The following PLOD1 variants were observed in gnomAD, a reference collection of about 807,000 sequenced individuals.
PLOD1 encodes the protein lysine hydroxylase.
Under a neutral mutation model 94.7 loss-of-function variants are expected in PLOD1, and 70 were observed. That is an observed-to-expected ratio of 0.74 (90% confidence interval 0.61 to 0.90). The LOEUF (loss-of-function observed/expected upper bound fraction) is 0.90. Among genes scored for constraint, PLOD1 ranks in the 40% least tolerant of loss-of-function variants. PLOD1 has a pLI of 0.00. For synonymous variants in PLOD1, 417 were observed against 400.2 expected (o/e 1.04, Z -0.50); for missense variants, 905 against 972.7 (o/e 0.93, Z 0.93).
At chr1:11,954,678 C>G in intron 5 of PLOD1, 152 bp from the exon 6 acceptor site, 1 of 780,376 alleles carries the variant, frequency 1.3e-6, no homozygotes. Context: ...CTGGCCTTCT[C>G]TGGGCACCTA....
chr1:11,952,210 A>G (rs1038672788), intron 4 of PLOD1, among the ~76,000 whole-genome samples: 4 of 152,176 alleles, frequency 2.6e-5, no homozygotes, highest in African/African-American at 4.8e-5. Flanking sequence ...CTCAGCCCCC[A>G]AGGCACTCTG....
At chr1:11,935,489 T>C (rs1046677800) in intron 1 of PLOD1, among the ~76,000 whole-genome samples, 1 of 152,034 alleles carries the variant, frequency 6.6e-6, no homozygotes, top group Non-Finnish European at 1.5e-5. Flanking sequence ...CTGCAGTTTA[T>C]TTTTTTTATT....
chr1:11,943,577 G>A (rs574522394), intron 1 of PLOD1, among the ~76,000 whole-genome samples: 13 of 152,288 alleles, frequency 8.5e-5, no homozygotes, highest in Non-Finnish European at 1.2e-4. Flanking sequence ...GATTACAGGC[G>A]TGAGTCACCA....
At chr1:11,950,565 A>C in intron 4 of PLOD1, 45 bp downstream of exon 4, 1 of 1,582,716 alleles carries the variant, frequency 6.3e-7, no homozygotes, top group Non-Finnish European at 8.7e-7. Context: ...AGAGGGGTCC[A>C]TCTACTGCCT....
chr1:11,934,803 C>CCTGCTGGGCTGG lies in PLOD1; in HGVS notation c.31_42dup (p.Gly11_Leu14dup). 6.5e-7 allele frequency: 1 copy of CCTGCTGGGCTGG among 1,540,764 alleles called. No individual in the cohort carries two copies. Among genetic ancestry groups the CCTGCTGGGCTGG allele is most frequent in the Non-Finnish European group, 8.7e-7 (1 of 1,146,002 alleles). ...CCATGCGGCCCCTGCTGCTACTGGC[C>CCTGCTGGGCTGG]CTGCTGGGCTGGCTGCTGCTGGCCG... On this transcript the variant is annotated inframe_insertion, in exon 1 of 19. Transcript: ENST00000196061.
chr1:11,967,113 T>A (rs751181122), intron 16 of PLOD1, 22 bp downstream of exon 16: 1 of 1,494,318 alleles, frequency 6.7e-7, no homozygotes, highest in Admixed American at 1.7e-5. Context: ...ATGCCTGGGC[T>A]GGGGCCGCAG....
rs763409574 is a variant in PLOD1, at chr1:11,963,606, A to G, written c.1172A>G (p.Asn391Ser). 182 of 1,600,930 alleles carry G rather than the reference A, an allele frequency of 1.1e-4. 2 individuals are homozygous for G. The highest frequency in any genetic ancestry group is 5.3e-5 in the African/African-American group (4 of 74,828). Reference protein sequence around the residue: ...VDADVALTEPNSLRLLIQQNK... With the variant: ...VDADVALTEPSSLRLLIQQNK... ...GCTGACGTGGCCCTGACCGAGCCCAACAGCCTGCGGCTGCTGATCCAACAG... is the reference window on the plus strand; with the variant it reads ...GCTGACGTGGCCCTGACCGAGCCCAGCAGCCTGCGGCTGCTGATCCAACAG... Residue 391 changes from asparagine (N) to serine (S), a missense_variant, in exon 11 of 19, where the codon AAC becomes AGC. Coordinates refer to ENST00000196061, the MANE Select transcript of PLOD1 (RefSeq NM_000302.4). The surrounding 1 kb of genome is among the most constrained non-coding windows in gnomAD (Gnocchi z 4.3).
At chr1:11,952,490 G>A (rs1645709871) in intron 4 of PLOD1, 133 bp from the exon 5 acceptor site, 1 of 716,138 alleles carries the variant, frequency 1.4e-6, no homozygotes, top group Non-Finnish European at 2.6e-6. Context: ...CAATTCAGGA[G>A]GACTTCTGAG....
Position 11,958,386 on chromosome 1 carries a change from C to A in PLOD1, c.844-130C>A. ...GTACCCCCTGACTGGAGTTCCCCGG[C>A]CCGGGCACCTTTCTTGGGAAGTCTA... On this transcript the variant is annotated intron_variant, in intron 8 of 18. Transcript: ENST00000196061. The surrounding 1 kb of genome is among the most constrained non-coding windows in gnomAD (Gnocchi z 4.3). 9.3e-7 allele frequency: 1 copy of A among 1,072,422 alleles called. No individual in the cohort carries two copies. The highest frequency in any genetic ancestry group is 1.4e-6 in the Non-Finnish European group (1 of 724,292). 66.4% of individuals were successfully genotyped at this position (1,072,422 alleles called of 1,614,324 possible).
intron 16 of PLOD1, among the ~76,000 whole-genome samples, chr1:11,967,615 A>ATCT (rs58447090): frequency 1.9e-5 from 2 of 103,976 alleles, no homozygotes; most frequent in Non-Finnish European, 3.8e-5. Flanking sequence ...ATATATATAT[A>ATCT]AAAAGAAATA....
intron 1 of PLOD1, among the ~76,000 whole-genome samples, chr1:11,945,010 T>C (rs1645640805): frequency 6.6e-6 from 1 of 152,162 alleles, no homozygotes; most frequent in African/African-American, 2.4e-5. Flanking sequence ...CACTGCAGTG[T>C]GGGTCTTGCC....
chr1:11,966,829 T>C (rs1349331842), intron 15 of PLOD1, among the ~76,000 whole-genome samples, 158 bp from the exon 16 acceptor site: 1 of 152,194 alleles, frequency 6.6e-6, no homozygotes, highest in Non-Finnish European at 1.5e-5. Flanking sequence ...CTCTGGGCTC[T>C]GCCTCCTCCT....
chr1:11,943,274 C>T (rs1645626932), intron 1 of PLOD1, among the ~76,000 whole-genome samples: 1 of 151,190 alleles, frequency 6.6e-6, no homozygotes, highest in Admixed American at 6.6e-5. Flanking sequence ...AGGCATGAGC[C>T]ACCGTGCCCG....
intron 15 of PLOD1, 142 bp downstream of exon 15, chr1:11,966,458 A>T (rs1645818739): frequency 4.8e-6 from 1 of 206,212 alleles, no homozygotes; most frequent in Non-Finnish European, 9.8e-6. Context: ...GGGCGGCAGG[A>T]TGGGAGTTGG....
intron 3 of PLOD1, 139 bp downstream of exon 3, chr1:11,950,045 C>A: frequency 1.1e-6 from 1 of 928,580 alleles, no homozygotes; most frequent in Non-Finnish European, 1.8e-6. Context: ...TGTCCATTCC[C>A]GGTCTTAGTA....
At chr1:11,974,544 C>T (rs1645889741) in intron 18 of PLOD1, 109 bp from the exon 19 acceptor site, 1 of 1,077,012 alleles carries the variant, frequency 9.3e-7, no homozygotes, top group Non-Finnish European at 1.4e-6. Context: ...GAAGGCATCC[C>T]CAGGCAGGCA....
intron 1 of PLOD1, among the ~76,000 whole-genome samples, chr1:11,938,294 G>A (rs763211319): frequency 1.3e-5 from 2 of 152,192 alleles, no homozygotes; most frequent in Non-Finnish European, 2.9e-5. Context: ...CCATTTTGGA[G>A]ATGGGAAGAC....
chr1:11,956,544 C>T lies in PLOD1; in HGVS notation c.644-373C>T, dbSNP rs767886864. Among the ~76,000 whole-genome samples the T allele has an allele frequency of 8.2e-4, 125 of 152,242 alleles. 1 individual carries two copies. Among genetic ancestry groups the T allele is most frequent in the Non-Finnish European group, 1.5e-3 (101 of 68,020 alleles). On this transcript the variant is annotated intron_variant, in intron 6 of 18. Transcript: ENST00000196061. ...TGCTGCTCTGCCTACTCAGAGAAGG[C>T]GCGTCCCAGACCCTTTCTCTTGGGG...
At chr1:11,937,461 G>A (rs72640296) in intron 1 of PLOD1, among the ~76,000 whole-genome samples, 7,242 of 152,262 alleles carry the variant, frequency 0.048, 269 homozygotes, top group South Asian at 0.14. Flanking sequence ...GCTGACCACC[G>A]GGCTGTGCAA....
Sources: allele counts gnomAD v4.1 joint callset (sites outside exome capture counted in the v4.1 genomes callset), GRCh38; gene constraint gnomAD v4.1.1; non-coding constraint Gnocchi (gnomAD v3.1); transcripts MANE v1.5; gene names NCBI Gene and HGNC (gene_info 2026-07-23, HGNC 2026-07-21).